The following ZMYM2 variants were observed in gnomAD, a reference collection of about 807,000 sequenced individuals.
The protein encoded by ZMYM2 is zinc finger MYM-type protein 2.
In ZMYM2, 56 loss-of-function variants were observed where a neutral mutation model predicts 162.8. The observed-to-expected ratio is 0.34, with a 90% CI of 0.28 to 0.43. ZMYM2 has a LOEUF of 0.43. ZMYM2 is among the 20% of genes least tolerant of loss of function. The pLI is 1.00. For synonymous variants in ZMYM2, 510 were observed against 541.6 expected, an observed-to-expected ratio of 0.94 and a Z score of 0.81; for missense variants, 1,275 against 1,621.8, an observed-to-expected ratio of 0.79 and a Z score of 3.67.
chr13:20,038,428 A>G lies in ZMYM2; in HGVS notation c.2292+1519A>G, dbSNP rs138476305. Among the ~76,000 whole-genome samples the G allele has an allele frequency of 3.5e-3, 526 of 152,290 alleles. 5 individuals are homozygous for G. The highest frequency in any genetic ancestry group is 5.2e-3 in the Non-Finnish European group (357 of 68,016). On this transcript the variant is annotated intron_variant, in intron 12 of 24. Transcript: ENST00000610343. ...TTTTGGGTTTTACATTTATTAATCC[A>G]TCCTGAGTTAATTTTTGTATATGGT...
chr13:20,022,477 GTTGCTA>G (rs1433667744), intron 7 of ZMYM2, among the ~76,000 whole-genome samples: 1 of 152,108 alleles, frequency 6.6e-6, no homozygotes, highest in East Asian at 1.9e-4. Flanking sequence ...CCAGGGTAAA[GTTGCTA>G]TTTTTCCCTC....
chr13:19,883,892 G>C, the ZMYM2 span, among the ~76,000 whole-genome samples: 3 of 152,274 alleles, frequency 2.0e-5, no homozygotes, highest in East Asian at 3.9e-4. Flanking sequence ...GCGTAGCTGG[G>C]ATTACAAGGG....
chr13:20,085,584 G>T (rs748641471), intron 24 of ZMYM2, among the ~76,000 whole-genome samples: 5 of 152,032 alleles, frequency 3.3e-5, no homozygotes, highest in Non-Finnish European at 7.4e-5. Flanking sequence ...AATAATGAGT[G>T]GTGTGTCTAT....
Position 19,977,840 on chromosome 13 carries a change from G to A in ZMYM2, c.-10-15223G>A, listed in dbSNP as rs1288612283. On this transcript the variant is annotated intron_variant, in intron 2 of 24. Transcript: ENST00000610343. ...GCTTTTTATGTTAAATTTTTCTCTAGTGTACCATTTGATTCCCTTCTTTTC... is the reference window on the plus strand; with the variant it reads ...GCTTTTTATGTTAAATTTTTCTCTAATGTACCATTTGATTCCCTTCTTTTC... Among the ~76,000 whole-genome samples the A allele has an allele frequency of 3.4e-5, 5 of 149,068 alleles. No individual in the cohort carries two copies. The South Asian group carries it at 1.1e-3, about 32-fold the overall frequency.
chr13:19,969,873 A>G (rs559253815), intron 2 of ZMYM2, among the ~76,000 whole-genome samples: 1 of 152,194 alleles, frequency 6.6e-6, no homozygotes, highest in East Asian at 1.9e-4. Context: ...AATGCTGGTT[A>G]AAAAAGAGTT....
At chr13:19,972,794 A>T (rs1956437692) in intron 2 of ZMYM2, among the ~76,000 whole-genome samples, 1 of 151,828 alleles carries the variant, frequency 6.6e-6, no homozygotes, top group Non-Finnish European at 1.5e-5. Context: ...CATTTCCACC[A>T]CTTCTTCCAC....
Position 19,993,745 on chromosome 13 carries a change from T to C in ZMYM2, c.673T>C (p.Leu225=). 1.9e-6 allele frequency: 3 copies of C among 1,614,060 alleles called. No individual in the cohort carries two copies. The highest frequency in any genetic ancestry group is 2.5e-6 in the Non-Finnish European group (3 of 1,179,954). The change falls in exon 3 of 25, where the codon TTG becomes CTG. Residue 225 remains leucine, a synonymous_variant. Coordinates refer to ENST00000610343, the MANE Select transcript of ZMYM2 (RefSeq NM_197968.4). ...THVTSLQNTN[L]GDVSNGLQSS... Reference sequence around the variant, plus strand: ...TGTAACATCACTGCAGAATACCAACTTGGGAGATGTCTCTAACGGACTGCA... The same window carrying C: ...TGTAACATCACTGCAGAATACCAACCTGGGAGATGTCTCTAACGGACTGCA...
the ZMYM2 span, among the ~76,000 whole-genome samples, chr13:19,889,971 T>G: frequency 6.6e-6 from 1 of 151,850 alleles, no homozygotes; most frequent in Non-Finnish European, 1.5e-5. Context: ...TTTTCAATCT[T>G]GGTAGGATTG....
chr13:20,031,865 G>GTTTTTTTTTTTTTTTT (rs10642086), intron 10 of ZMYM2, among the ~76,000 whole-genome samples: 9 of 130,276 alleles, frequency 6.9e-5, no homozygotes, highest in African/African-American at 1.2e-4. Context: ...TTCTGTAATT[G>GTTTTTTTTTTTTTTTT]TTTTTTTTTT....
Position 19,968,108 on chromosome 13 carries a change from C to T in ZMYM2, c.-11+8082C>T, listed in dbSNP as rs554097781. On this transcript the variant is annotated intron_variant, in intron 2 of 24. Transcript: ENST00000610343. Reference sequence around the variant, plus strand: ...CTGTCAACACTATAACAAATCTCTTCTGAGGTCGCTAGTGACCTAATTGCC... The same window carrying T: ...CTGTCAACACTATAACAAATCTCTTTTGAGGTCGCTAGTGACCTAATTGCC... Among the ~76,000 whole-genome samples, 9 of 152,340 alleles carry T rather than the reference C, an allele frequency of 5.9e-5. No individual in the cohort carries two copies. In the East Asian group the frequency reaches 1.7e-3, roughly 29 times the overall value.
At chr13:20,077,438 G>A (rs966370256) in intron 21 of ZMYM2, among the ~76,000 whole-genome samples, 1 of 150,592 alleles carries the variant, frequency 6.6e-6, no homozygotes, top group African/African-American at 2.5e-5. Flanking sequence ...TCCACTGAAA[G>A]AGTTGAAATA....
At chr13:20,000,239 A>T (rs974483495) in intron 3 of ZMYM2, among the ~76,000 whole-genome samples, 31 of 152,194 alleles carry the variant, frequency 2.0e-4, no homozygotes, top group Non-Finnish European at 3.4e-4. Context: ...ACTGAGAGAG[A>T]TAAGGAAACA....
rs538781967 is a variant in ZMYM2 at position 20,010,104 on chromosome 13, T to C, written c.1512+3518T>C. Among the ~76,000 whole-genome samples the C allele has an allele frequency of 7.2e-5, 11 of 152,366 alleles. No homozygotes were observed. In the East Asian group the frequency reaches 2.1e-3, roughly 29 times the overall value. On this transcript the variant is annotated intron_variant, in intron 6 of 24. Coordinates refer to ENST00000610343, the MANE Select transcript of ZMYM2 (RefSeq NM_197968.4). Reference sequence around the variant, plus strand: ...TGTTTTAAGCTTTTGATTTTTCTTGTAGATATCTTAGTGCATGTGCGGTGG... The same window carrying C: ...TGTTTTAAGCTTTTGATTTTTCTTGCAGATATCTTAGTGCATGTGCGGTGG...
At chr13:19,969,532 A>G (rs1956116995) in intron 2 of ZMYM2, among the ~76,000 whole-genome samples, 1 of 152,200 alleles carries the variant, frequency 6.6e-6, no homozygotes, top group Non-Finnish European at 1.5e-5. Context: ...ATTGGTAGTT[A>G]TTGTGTTAGA....
Position 20,064,541 on chromosome 13 carries a change from A to G in ZMYM2, c.3128A>G (p.Lys1043Arg). Reference sequence around the variant, plus strand: ...GAACAGCCCAGACCTCGATCTAAAAAAAAGGTACATTCACTTAATAGCCTA... The same window carrying G: ...GAACAGCCCAGACCTCGATCTAAAAGAAAGGTACATTCACTTAATAGCCTA... The part of the protein sequence containing the change: ...YEEQPRPRSK[K>R]KGAKRKAVSG... Residue 1043 changes from lysine (K) to arginine (R), a missense_variant, in exon 19 of 25, where the codon AAA becomes AGA. Lys to Arg is a conservative substitution (Grantham distance 26). Around this residue, in one of 10 missense-constraint regions of ZMYM2, gnomAD observed 229 missense variants for 283.8 expected, o/e 0.81. Coordinates refer to ENST00000610343, the MANE Select transcript of ZMYM2 (RefSeq NM_197968.4). The G allele has an allele frequency of 1.9e-6, 3 of 1,576,274 alleles. No individual in the cohort carries two copies. The highest frequency in any genetic ancestry group is 2.6e-6 in the Non-Finnish European group (3 of 1,160,372).
intron 2 of ZMYM2, among the ~76,000 whole-genome samples, chr13:19,966,962 G>T (rs2139186982): frequency 6.6e-6 from 1 of 152,192 alleles, no homozygotes; most frequent in South Asian, 2.1e-4. Context: ...TCTCTGTACG[G>T]TTTTACATTG....
At chr13:19,972,455 A>G (rs1202709987) in intron 2 of ZMYM2, among the ~76,000 whole-genome samples, 2 of 152,018 alleles carry the variant, frequency 1.3e-5, no homozygotes, top group Non-Finnish European at 2.9e-5. Flanking sequence ...TAGTATAAAT[A>G]TCTTTTTGCA....
chr13:20,059,646 C>G lies in ZMYM2; in HGVS notation c.2739+84C>G, dbSNP rs895357683. ...CAGTGTACAGTTGACCCTTGAACAA[C>G]AAGAGTTTGAACTCCATGCATCCAC... is the stretch of plus-strand genomic sequence containing the variant. On this transcript the variant is annotated intron_variant, in intron 16 of 24. Transcript: ENST00000610343. 7 of 726,320 alleles carry G rather than the reference C, an allele frequency of 9.6e-6. No homozygotes were observed. In the African/African-American group the frequency reaches 1.1e-4, roughly 11 times the overall value. The allele number at this position is 726,320 out of a possible 1,614,324, so 45.0% of individuals were successfully genotyped here. A position where few individuals can be genotyped will look rare whatever the true frequency, so the allele number is the denominator to read the frequency against.
intron 2 of ZMYM2, among the ~76,000 whole-genome samples, chr13:19,985,858 A>G (rs1280353964): frequency 6.6e-6 from 1 of 151,800 alleles, no homozygotes; most frequent in Non-Finnish European, 1.5e-5. Flanking sequence ...CCTGGGCAAC[A>G]GAGTGAGACT....
Sources: allele counts gnomAD v4.1 joint callset (sites outside exome capture counted in the v4.1 genomes callset), GRCh38; gene constraint gnomAD v4.1.1; regional missense constraint gnomAD v4.1.1; transcripts MANE v1.5; gene names NCBI Gene and HGNC (gene_info 2026-07-23, HGNC 2026-07-21).